Variants in GRK5 observed in about 807,000 individuals in gnomAD.
GRK5 encodes the protein G protein-coupled receptor kinase 5.
GRK5 carries 40 observed loss-of-function variants against 78.4 expected under a neutral mutation model. The observed-to-expected ratio is 0.51, with a 90% CI of 0.40 to 0.66. The LOEUF (loss-of-function observed/expected upper bound fraction) is 0.66, where lower values mean the gene tolerates loss of function less well. GRK5 is among the 30% of genes least tolerant of loss of function. GRK5 has a pLI of 0.00. For synonymous variants in GRK5, 289 were observed against 296.8 expected (o/e 0.97, Z 0.27); for missense variants, 598 against 759.9 (o/e 0.79, Z 2.50).
chr10:119,209,951 A>C (rs1396007235), intron 1 of GRK5, among the ~76,000 whole-genome samples: 1 of 152,054 alleles, frequency 6.6e-6, no homozygotes, highest in African/African-American at 2.4e-5. Context: ...CCCCCTCCAA[A>C]TTGTTCTCCC....
rs1589677677 is a variant in GRK5 at position 119,207,644 on chromosome 10, G to A, written c.-274G>A. 6 of 377,320 alleles carry A rather than the reference G, an allele frequency of 1.6e-5. No homozygotes were observed. The highest frequency in any genetic ancestry group is 1.5e-4 in the East Asian group (2 of 13,116). The allele number at this position is 377,320 out of a possible 1,614,324, so 23.4% of individuals were successfully genotyped here. A position where few individuals can be genotyped will look rare whatever the true frequency, so the allele number is the denominator to read the frequency against. ...AATGGAGTGACAGAGACACGCGGAGGGTGGGGGGTGGGGGGGAGCGTGTTG... is the reference window on the plus strand; with the variant it reads ...AATGGAGTGACAGAGACACGCGGAGAGTGGGGGGTGGGGGGGAGCGTGTTG... On this transcript the variant is annotated 5_prime_UTR_variant, in exon 1 of 16. Transcript: ENST00000392870.
chr10:119,278,207 G>A (rs1000210632), intron 1 of GRK5, among the ~76,000 whole-genome samples: 1 of 152,098 alleles, frequency 6.6e-6, no homozygotes, highest in Admixed American at 6.5e-5. Flanking sequence ...CCCTTCCCGA[G>A]ACGGTCTAAT....
In GRK5 at chr10:119,430,455, G is replaced by A. The variant is rs184367494; in HGVS notation, c.597+17G>A. 6.9e-4 allele frequency: 1,115 copies of A among 1,604,480 alleles called. 2 individuals are homozygous for A. Among genetic ancestry groups the A allele is most frequent in the Non-Finnish European group, 7.9e-4 (929 of 1,173,322 alleles). On this transcript the variant is annotated intron_variant, in intron 7 of 15. Transcript: ENST00000392870. This position sits in a 1 kb window ranked among gnomAD's most constrained non-coding sequence, Gnocchi z 4.5. ...TTCGGGGAGGTGAGTGAACATTCACGTTTTTAATTGAAAGTTCTTACATTC... is the reference window on the plus strand; with the variant it reads ...TTCGGGGAGGTGAGTGAACATTCACATTTTTAATTGAAAGTTCTTACATTC...
In GRK5 at chr10:119,431,224, G is replaced by A. The variant is rs1852809683; in HGVS notation, c.598-163G>A. ...AGGACAGCTGTGGGCCCCAGGCCAG[G>A]CATCACTGGGTCCTGGGAGCCTGGA... On this transcript the variant is annotated intron_variant, in intron 7 of 15. Transcript: ENST00000392870. The surrounding 1 kb of genome is among the most constrained non-coding windows in gnomAD (Gnocchi z 4.8). Among the ~76,000 whole-genome samples the A allele has an allele frequency of 6.6e-6, 1 of 152,174 alleles. No individual in the cohort carries two copies.
intron 2 of GRK5, among the ~76,000 whole-genome samples, chr10:119,368,485 T>C (rs1851488423): frequency 6.6e-6 from 1 of 152,148 alleles, no homozygotes; most frequent in Non-Finnish European, 1.5e-5. Flanking sequence ...GATGTCTCCA[T>C]TCCCACCAGG....
At chr10:119,224,397 T>A (rs202081135) in intron 1 of GRK5, among the ~76,000 whole-genome samples, 5 of 26,054 alleles carry the variant, frequency 1.9e-4, no homozygotes, top group Non-Finnish European at 3.0e-4. Flanking sequence ...TTATTATTTA[T>A]TTATTTATTT....
intron 4 of GRK5, among the ~76,000 whole-genome samples, chr10:119,419,286 G>T (rs1852523888): frequency 6.6e-6 from 1 of 152,246 alleles, no homozygotes; most frequent in Non-Finnish European, 1.5e-5. Context: ...TATCCGATCT[G>T]ACACGCAGCC....
chr10:119,430,068 A>G lies in GRK5; in HGVS notation c.534-307A>G, dbSNP rs184683297. 3.3e-5 allele frequency among the ~76,000 whole-genome samples: 5 copies of G among 152,156 alleles called. No individual in the cohort carries two copies. The highest frequency in any genetic ancestry group is 1.2e-4 in the African/African-American group (5 of 41,434). On this transcript the variant is annotated intron_variant, in intron 6 of 15. Coordinates refer to ENST00000392870, the MANE Select transcript of GRK5 (RefSeq NM_005308.3). This position sits in a 1 kb window ranked among gnomAD's most constrained non-coding sequence, Gnocchi z 4.5. ...TGATTTGCAGAGAGAGGAGAACCAC[A>G]TGGAGAGTGTGGTCAAGCACCTCTG...
At chr10:119,404,975 G>A (rs1465219726) in intron 4 of GRK5, among the ~76,000 whole-genome samples, 1 of 152,234 alleles carries the variant, frequency 6.6e-6, no homozygotes, top group Admixed American at 6.5e-5. Context: ...CTTTGGCAGT[G>A]TTACTTGTAG....
chr10:119,416,581 C>T (rs1253317121), intron 4 of GRK5, among the ~76,000 whole-genome samples: 1 of 37,508 alleles, frequency 2.7e-5, no homozygotes, highest in Non-Finnish European at 4.5e-5. Flanking sequence ...TGATCGCTCT[C>T]TCTCTCTCTT....
chr10:119,443,649 G>C lies in GRK5; in HGVS notation c.1163G>C (p.Arg388Pro). 6.2e-7 allele frequency: 1 copy of C among 1,613,560 alleles called. No individual in the cohort carries two copies. Among genetic ancestry groups the C allele is most frequent in the South Asian group, 1.1e-5 (1 of 91,084 alleles). ...GAGGGCCAGTCGCCGTTCCGCGGCC[G>C]CAAGGAGAAGGTGAAGCGGGAGGAG... ...MIEGQSPFRGRKEKVKREEVD... is the reference protein window; with the variant it reads ...MIEGQSPFRGPKEKVKREEVD... The change falls in exon 12 of 16, where the codon CGC (arginine) becomes CCC (proline). Residue 388 changes from arginine to proline, a missense_variant. Arg to Pro is a moderately radical substitution (Grantham distance 103, BLOSUM62 -2). Coordinates refer to ENST00000392870, the MANE Select transcript of GRK5 (RefSeq NM_005308.3).
At chr10:119,435,396 T>A (rs950636065) in intron 8 of GRK5, among the ~76,000 whole-genome samples, 1 of 152,246 alleles carries the variant, frequency 6.6e-6, no homozygotes, top group African/African-American at 2.4e-5. Context: ...TAACAGCACC[T>A]ATGTCACCCC....
At chr10:119,212,560 A>G (rs992209132) in intron 1 of GRK5, among the ~76,000 whole-genome samples, 4 of 152,222 alleles carry the variant, frequency 2.6e-5, no homozygotes, top group Non-Finnish European at 4.4e-5. Flanking sequence ...TATTCAATCC[A>G]TATCTGGGAT....
chr10:119,297,808 CTGT>C (rs761110639), intron 1 of GRK5, among the ~76,000 whole-genome samples: 1 of 152,220 alleles, frequency 6.6e-6, no homozygotes, highest in Non-Finnish European at 1.5e-5. Context: ...AAATAAACCT[CTGT>C]TGTTTATAAA....
At chr10:119,391,485 G>A (rs562815403) in intron 3 of GRK5, among the ~76,000 whole-genome samples, 117 of 152,358 alleles carry the variant, frequency 7.7e-4, no homozygotes, top group Middle Eastern at 3.4e-3. Flanking sequence ...ACAAAGCGTG[G>A]GAGGGAAATC....
chr10:119,250,593 A>C (rs112969140), intron 1 of GRK5, among the ~76,000 whole-genome samples: 11,503 of 145,714 alleles, frequency 0.079, 504 homozygotes, highest in Admixed American at 0.14. Context: ...AAATGATCCT[A>C]CTGCCTCGGC....
At chr10:119,218,734 T>A (rs924594064) in intron 1 of GRK5, among the ~76,000 whole-genome samples, 3 of 152,152 alleles carry the variant, frequency 2.0e-5, no homozygotes, top group Non-Finnish European at 2.9e-5. Flanking sequence ...AATGCTGTTG[T>A]GGGTTGATGC....
At chr10:119,349,106 C>A (rs1427202909) in intron 2 of GRK5, among the ~76,000 whole-genome samples, 1 of 152,188 alleles carries the variant, frequency 6.6e-6, no homozygotes, top group East Asian at 1.9e-4. Flanking sequence ...AGAGGTTAAA[C>A]ACTGTGGATT....
chr10:119,216,781 C>T (rs974071692), intron 1 of GRK5, among the ~76,000 whole-genome samples: 1 of 152,102 alleles, frequency 6.6e-6, no homozygotes, highest in Non-Finnish European at 1.5e-5. Flanking sequence ...GGTGAAAACC[C>T]ATCTCTACTA....
Sources: allele counts gnomAD v4.1 joint callset (sites outside exome capture counted in the v4.1 genomes callset), GRCh38; gene constraint gnomAD v4.1.1; non-coding constraint Gnocchi (gnomAD v3.1); transcripts MANE v1.5; gene names NCBI Gene and HGNC (gene_info 2026-07-23, HGNC 2026-07-21).